Variants in RBFOX1 observed in about 807,000 individuals in gnomAD.
The protein encoded by RBFOX1 is RNA binding protein fox-1 homolog 1.
A neutral mutation model predicts 57.7 loss-of-function variants in RBFOX1; 8 were observed. The observed-to-expected ratio is 0.14, with a 90% CI of 0.08 to 0.25. The LOEUF (loss-of-function observed/expected upper bound fraction) is 0.25. Among genes scored for constraint, RBFOX1 ranks in the 10% least tolerant of loss-of-function variants. The probability of loss-of-function intolerance (pLI) is 1.00; values close to 1 mark genes in which losing one functional copy is unlikely to be tolerated. For missense variants in RBFOX1, 611 were observed against 548.5 expected, an observed-to-expected ratio of 1.11 and a Z score of -1.14; for synonymous variants, 326 against 222.4, an observed-to-expected ratio of 1.47 and a Z score of -4.15.
intron 1 of RBFOX1, among the ~76,000 whole-genome samples, chr16:6,126,846 C>G (rs970256498): frequency 6.6e-6 from 1 of 152,118 alleles, no homozygotes; most frequent in Non-Finnish European, 1.5e-5. Context: ...AATGGTCCTG[C>G]CTTCATGAGG....
intron 14 of RBFOX1, among the ~76,000 whole-genome samples, chr16:7,692,011 G>C (rs1044689666): frequency 6.6e-6 from 1 of 152,094 alleles, no homozygotes; most frequent in Non-Finnish European, 1.5e-5. Flanking sequence ...ATAAGTCAAA[G>C]GTGAGTAAGT....
chr16:5,893,127 T>C (rs1411019841), intron 4 of RBFOX1, among the ~76,000 whole-genome samples: 2 of 152,220 alleles, frequency 1.3e-5, no homozygotes, highest in Non-Finnish European at 2.9e-5. Context: ...CCTCACATTA[T>C]ATCACATTTC....
chr16:5,851,901 C>T (rs565505859), intron 3 of RBFOX1, among the ~76,000 whole-genome samples: 2 of 152,192 alleles, frequency 1.3e-5, no homozygotes, highest in South Asian at 4.1e-4. Context: ...AACCCTACAA[C>T]ATTGGCTGGA....
chr16:6,060,617 G>C (rs541442009), intron 1 of RBFOX1, among the ~76,000 whole-genome samples: 9 of 152,240 alleles, frequency 5.9e-5, no homozygotes, highest in Non-Finnish European at 1.3e-4. Flanking sequence ...TTCTCCACAT[G>C]CATGTGTTGC....
chr16:6,760,053 G>GGCAC (rs2076385061), intron 3 of RBFOX1, among the ~76,000 whole-genome samples: 1 of 152,154 alleles, frequency 6.6e-6, no homozygotes, highest in Non-Finnish European at 1.5e-5. Context: ...AGCAAAAGGT[G>GGCAC]AGCATATGGC....
intron 3 of RBFOX1, among the ~76,000 whole-genome samples, chr16:6,867,376 C>G (rs992710121): frequency 6.6e-6 from 1 of 151,552 alleles, no homozygotes; most frequent in Non-Finnish European, 1.5e-5. Context: ...TTTTTAATGA[C>G]CTTTATAAAC....
intron 4 of RBFOX1, among the ~76,000 whole-genome samples, chr16:5,902,816 C>T (rs902921395): frequency 6.6e-6 from 1 of 152,178 alleles, no homozygotes; most frequent in Non-Finnish European, 1.5e-5. Flanking sequence ...AGTTGCCACT[C>T]TTTAAACACT....
intron 4 of RBFOX1, among the ~76,000 whole-genome samples, chr16:7,465,475 A>G (rs142784230): frequency 6.6e-6 from 1 of 152,212 alleles, no homozygotes; most frequent in Non-Finnish European, 1.5e-5. Context: ...CTACTTTCCT[A>G]TAAGGAGTCT....
chr16:5,725,723 A>G (rs913735097), intron 3 of RBFOX1, among the ~76,000 whole-genome samples: 1 of 151,922 alleles, frequency 6.6e-6, no homozygotes, highest in Non-Finnish European at 1.5e-5. Flanking sequence ...CCACTGGGAC[A>G]TCTTTTTGCT....
chr16:5,426,171 C>T (rs890129875), intron 1 of RBFOX1, among the ~76,000 whole-genome samples: 2 of 152,112 alleles, frequency 1.3e-5, no homozygotes, highest in African/African-American at 4.8e-5. Flanking sequence ...AATAATGACT[C>T]TGAACCTGCC....
intron 1 of RBFOX1, among the ~76,000 whole-genome samples, chr16:6,315,539 G>GGATGGATT (rs781343594): frequency 5.4e-4 from 51 of 93,736 alleles, no homozygotes; most frequent in Middle Eastern, 5.4e-3. Flanking sequence ...GTACATGGAT[G>GGATGGATT]GATGGATGGA....
chr16:7,479,707 G>A (rs914637655), intron 4 of RBFOX1, among the ~76,000 whole-genome samples: 2 of 152,134 alleles, frequency 1.3e-5, no homozygotes, highest in Non-Finnish European at 2.9e-5. Flanking sequence ...GGGAAGTGGG[G>A]CACCTGGAGG....
intron 2 of RBFOX1, among the ~76,000 whole-genome samples, chr16:6,505,513 G>T (rs1353784741): frequency 3.9e-5 from 6 of 152,194 alleles, no homozygotes; most frequent in Non-Finnish European, 7.3e-5. Flanking sequence ...GCAGTTTTTA[G>T]ACACACGTTT....
At chr16:5,709,131 C>G (rs1181489879) in intron 3 of RBFOX1, among the ~76,000 whole-genome samples, 2 of 152,150 alleles carry the variant, frequency 1.3e-5, no homozygotes, top group African/African-American at 2.4e-5. Flanking sequence ...CTCTTGCAAT[C>G]CAAAAACAGT....
intron 2 of RBFOX1, among the ~76,000 whole-genome samples, chr16:5,569,771 G>C (rs942643608): frequency 6.6e-5 from 10 of 151,910 alleles, no homozygotes; most frequent in African/African-American, 2.2e-4. Flanking sequence ...TCTTTCTGAT[G>C]GACATCCTGC....
chr16:7,001,629 G>T (rs1351437868), intron 3 of RBFOX1, among the ~76,000 whole-genome samples: 1 of 151,868 alleles, frequency 6.6e-6, no homozygotes, highest in East Asian at 1.9e-4. Flanking sequence ...GCTAATTTTT[G>T]TATTTTTAGT....
At chr16:7,142,980 A>T (rs989502214) in intron 4 of RBFOX1, among the ~76,000 whole-genome samples, 2 of 151,082 alleles carry the variant, frequency 1.3e-5, no homozygotes, top group Non-Finnish European at 2.9e-5. Flanking sequence ...TTGAGATATG[A>T]CTCCAAAATT....
intron 11 of RBFOX1, 24 bp from the exon 12 acceptor site, chr16:7,653,783 GCTCTCTCT>G (rs3217052): frequency 1.2e-5 from 18 of 1,511,740 alleles, no homozygotes; most frequent in African/African-American, 4.1e-5. Flanking sequence ...GACAGCCTGT[GCTCTCTCT>G]CTCTCTCTCC....
At chr16:6,618,603 A>G (rs139916922) in intron 2 of RBFOX1, among the ~76,000 whole-genome samples, 174 of 152,342 alleles carry the variant, frequency 1.1e-3, no homozygotes, top group African/African-American at 4.1e-3. Context: ...ATCAGAATAC[A>G]GAAAGGTAAA....
Sources: gnomAD v4.1 joint callset for allele counts (sites outside exome capture counted in the v4.1 genomes callset) on GRCh38, gnomAD v4.1.1 for gene constraint, MANE v1.5 for transcripts, NCBI Gene and HGNC (gene_info 2026-07-23, HGNC 2026-07-21) for gene names.